Variants in CNTLN observed in about 807,000 individuals in gnomAD.
CNTLN encodes the protein centlein.
CNTLN carries 212 observed loss-of-function variants against 180.0 expected under a neutral mutation model. The observed-to-expected ratio is 1.18, with a 90% confidence interval of 1.05 to 1.32. CNTLN has a LOEUF of 1.32. Among genes scored for constraint, CNTLN ranks in the 40% most tolerant of loss-of-function variants. The pLI is 0.00. For synonymous variants in CNTLN, 722 were observed against 563.1 expected (o/e 1.28, Z -3.99); for missense variants, 2,095 against 1,610.9 (o/e 1.30, Z -5.14).
intron 2 of CNTLN, among the ~76,000 whole-genome samples, chr9:17,198,641 G>T (rs1822302367): frequency 1.3e-5 from 2 of 149,292 alleles, no homozygotes; most frequent in South Asian, 4.2e-4. Context: ...TGCAGAATAT[G>T]CAGGTTTGTT....
At chr9:17,347,423 C>T (rs1455090625) in intron 12 of CNTLN, among the ~76,000 whole-genome samples, 1 of 152,056 alleles carries the variant, frequency 6.6e-6, no homozygotes, top group Non-Finnish European at 1.5e-5. Flanking sequence ...AATCCCAGCA[C>T]TTTGGGAGGC....
chr9:17,274,257 GTCTT>G (rs1828144952), intron 6 of CNTLN, among the ~76,000 whole-genome samples: 3 of 152,112 alleles, frequency 2.0e-5, no homozygotes, highest in African/African-American at 7.2e-5. Context: ...TTTTAAAGCA[GTCTT>G]TCTATATCAA....
chr9:17,319,619 A>G (rs1211575344), intron 8 of CNTLN, among the ~76,000 whole-genome samples: 3 of 152,284 alleles, frequency 2.0e-5, no homozygotes, highest in Admixed American at 6.5e-5. Context: ...ACCTTGGGCA[A>G]GTTACTTCTC....
rs973138918 is a variant in CNTLN at position 17,498,996 on chromosome 9, A to C, written c.4120-3555A>C. ...TATAAAGATAATATAATTAACTATAAACTCCTTGTATGAAATAAATATGCA... is the reference window on the plus strand; with the variant it reads ...TATAAAGATAATATAATTAACTATACACTCCTTGTATGAAATAAATATGCA... On this transcript the variant is annotated intron_variant, in intron 25 of 25. Transcript: ENST00000380647. Among the ~76,000 whole-genome samples, 6 of 152,200 alleles carry C rather than the reference A, an allele frequency of 3.9e-5. No homozygotes were observed. The East Asian group carries it at 1.2e-3, about 29-fold the overall frequency.
chr9:17,318,546 T>C (rs999780590), intron 8 of CNTLN, among the ~76,000 whole-genome samples: 1 of 152,132 alleles, frequency 6.6e-6, no homozygotes, highest in African/African-American at 2.4e-5. Flanking sequence ...ATGTGAAATA[T>C]GAGAAGAAAG....
the CNTLN span, among the ~76,000 whole-genome samples, chr9:17,513,011 G>A: frequency 2.6e-5 from 4 of 151,994 alleles, no homozygotes; most frequent in South Asian, 2.1e-4. Context: ...GTAGAGATGG[G>A]GGTTTCACCG....
At chr9:17,178,398 G>T (rs774768429) in intron 2 of CNTLN, among the ~76,000 whole-genome samples, 1 of 152,204 alleles carries the variant, frequency 6.6e-6, no homozygotes, top group Non-Finnish European at 1.5e-5. Flanking sequence ...TGCTAGTCCC[G>T]TGCCCTGTGC....
In CNTLN at chr9:17,416,118, G is replaced by C; in HGVS notation, c.3043G>C (p.Val1015Leu). The change falls in exon 18 of 26, where the codon GTT becomes CTT. Residue 1015 changes from valine to leucine, a missense_variant. Physicochemically the swap from Val to Leu is conservative, Grantham distance 32 (BLOSUM62 1). Transcript: ENST00000380647. ...ATTGTCTGTTAAAGAATATAAAGAA[G>C]TTAATGAAAAGCTCCTCCATCAACA... ...AELSVKEYKE[V>L]NEKLLHQQQV... 1 of 1,613,522 alleles carries C rather than the reference G, an allele frequency of 6.2e-7. No individual in the cohort carries two copies.
chr9:17,331,182 T>A (rs1820618785), intron 9 of CNTLN, among the ~76,000 whole-genome samples: 1 of 151,880 alleles, frequency 6.6e-6, no homozygotes, highest in Non-Finnish European at 1.5e-5. Flanking sequence ...AAAAGAAAAA[T>A]ATATCTAATA....
chr9:17,140,642 A>G (rs750141690), intron 1 of CNTLN, among the ~76,000 whole-genome samples: 4 of 151,948 alleles, frequency 2.6e-5, no homozygotes, highest in Non-Finnish European at 5.9e-5. Context: ...GGGTCTCACT[A>G]TGTTGCCCAG....
chr9:17,406,691 TA>T (rs1269941214), intron 15 of CNTLN, among the ~76,000 whole-genome samples: 3 of 151,854 alleles, frequency 2.0e-5, no homozygotes, highest in African/African-American at 7.3e-5. Flanking sequence ...GTGGATAGAC[TA>T]AATTTATTCA....
intron 6 of CNTLN, among the ~76,000 whole-genome samples, chr9:17,290,926 G>T (rs997236860): frequency 9.2e-5 from 14 of 152,170 alleles, no homozygotes; most frequent in South Asian, 4.1e-4. Context: ...CCTAGTGAGA[G>T]AAACCCGGTA....
At chr9:17,193,477 G>A (rs1397000499) in intron 2 of CNTLN, among the ~76,000 whole-genome samples, 4 of 152,210 alleles carry the variant, frequency 2.6e-5, no homozygotes, top group African/African-American at 9.6e-5. Context: ...CATGCAAACT[G>A]AAATCCAGTG....
At chr9:17,181,830 A>G (rs1037497220) in intron 2 of CNTLN, among the ~76,000 whole-genome samples, 3 of 152,084 alleles carry the variant, frequency 2.0e-5, no homozygotes, top group Non-Finnish European at 2.9e-5. Flanking sequence ...GCCTTCACTA[A>G]TGCCACCCTA....
At chr9:17,227,818 T>C (rs1372669282) in intron 3 of CNTLN, among the ~76,000 whole-genome samples, 1 of 152,096 alleles carries the variant, frequency 6.6e-6, no homozygotes, top group East Asian at 1.9e-4. Flanking sequence ...ATGTTAAGAA[T>C]AACATTTTAG....
intron 7 of CNTLN, 88 bp downstream of exon 7, chr9:17,298,440 A>T (rs910378284): frequency 2.9e-5 from 39 of 1,345,236 alleles, no homozygotes; most frequent in Non-Finnish European, 8.6e-6. Context: ...AAATTTCAGC[A>T]TTTAATTTTT....
chr9:17,382,647 A>G (rs1443807923), intron 13 of CNTLN, among the ~76,000 whole-genome samples: 1 of 152,198 alleles, frequency 6.6e-6, no homozygotes, highest in Non-Finnish European at 1.5e-5. Flanking sequence ...ATTGTTCTAA[A>G]ACCCATGCAG....
rs766835161 is a variant in CNTLN, at chr9:17,330,629, T to C, written c.1342-3T>C. 1.3e-6 allele frequency: 2 copies of C among 1,533,884 alleles called. No homozygotes were observed. Among genetic ancestry groups the C allele is most frequent in the Non-Finnish European group, 1.8e-6 (2 of 1,135,702 alleles). On this transcript the variant is annotated splice_polypyrimidine_tract_variant and splice_region_variant and intron_variant, in intron 8 of 25. Coordinates refer to ENST00000380647, the MANE Select transcript of CNTLN (RefSeq NM_017738.4). ...CTATTTACAATTATACTTTTTAAAA[T>C]AGGTACCTCATCGCCCATCCTTATC...
rs985462426 is a variant in CNTLN at position 17,312,150 on chromosome 9, C to G, written c.1341+2898C>G. On this transcript the variant is annotated intron_variant, in intron 8 of 25. Transcript: ENST00000380647. The stretch of plus-strand genomic sequence containing the variant: ...TTTTTTGTAGTAATTTTACTATGAG[C>G]TCCTCAATTTCTACAAATAAGCATT... Among the ~76,000 whole-genome samples, 14 of 151,830 alleles carry G rather than the reference C, an allele frequency of 9.2e-5. No homozygotes were observed. The East Asian group carries it at 1.4e-3, about 15-fold the overall frequency.
Sources: gnomAD v4.1 joint callset for allele counts (sites outside exome capture counted in the v4.1 genomes callset) on GRCh38, gnomAD v4.1.1 for gene constraint, MANE v1.5 for transcripts, NCBI Gene and HGNC (gene_info 2026-07-23, HGNC 2026-07-21) for gene names.